Variants in ATP8A1 observed in about 807,000 individuals in gnomAD.
The protein encoded by ATP8A1 is ATPase phospholipid transporting 8A1, also known as phospholipid-transporting ATPase IA.
A neutral mutation model predicts 177.7 loss-of-function variants in ATP8A1; 90 were observed. The observed-to-expected ratio is 0.51, with a 90% CI of 0.43 to 0.60. The LOEUF (loss-of-function observed/expected upper bound fraction) is 0.60. ATP8A1 is among the 20% of genes least tolerant of loss of function. The pLI is 0.00. For synonymous variants in ATP8A1, 493 were observed against 485.9 expected (o/e 1.01, Z -0.19); for missense variants, 1,072 against 1,392.8 (o/e 0.77, Z 3.67).
At chr4:42,514,855 C>T (rs148086148) in intron 22 of ATP8A1, among the ~76,000 whole-genome samples, 39 of 152,212 alleles carry the variant, frequency 2.6e-4, no homozygotes, top group African/African-American at 8.9e-4. Flanking sequence ...AACCTAATAA[C>T]GTAGATTTAA....
chr4:42,473,257 G>A (rs900215783), intron 25 of ATP8A1, among the ~76,000 whole-genome samples: 14 of 152,268 alleles, frequency 9.2e-5, no homozygotes, highest in African/African-American at 3.4e-4. Flanking sequence ...TCTTTCTTCT[G>A]CCCCCAAGAG....
At chr4:42,426,441 T>C (rs930811866) in intron 33 of ATP8A1, among the ~76,000 whole-genome samples, 1 of 152,156 alleles carries the variant, frequency 6.6e-6, no homozygotes, top group Non-Finnish European at 1.5e-5. Flanking sequence ...TCTAAGACTG[T>C]CTCCATGGAC....
Position 42,464,679 on chromosome 4 carries a change from C to A in ATP8A1, c.2619+11G>T. The stretch of plus-strand genomic sequence containing the variant: ...CAAATGACAAGGATTTAAAATTTAA[C>A]CTGCTATTACCTCGATAATATAGAG... On this transcript the variant is annotated intron_variant, in intron 27 of 36. Coordinates refer to ENST00000381668, the MANE Select transcript of ATP8A1 (RefSeq NM_006095.2). The A allele has an allele frequency of 2.1e-6, 3 of 1,447,364 alleles. No homozygotes were observed. Among genetic ancestry groups the A allele is most frequent in the South Asian group, 2.7e-5 (2 of 73,604 alleles). 89.7% of individuals were successfully genotyped at this position (1,447,364 alleles called of 1,614,324 possible).
intron 5 of ATP8A1, 61 bp downstream of exon 5, chr4:42,615,972 T>C: frequency 1.4e-6 from 2 of 1,417,118 alleles, no homozygotes; most frequent in African/African-American, 2.8e-5. Context: ...GTAATTGAAG[T>C]GTTTGTATAT....
rs1049669366 is a variant in ATP8A1 at position 42,455,636 on chromosome 4, C to G, written c.2620-37G>C. On this transcript the variant is annotated intron_variant, in intron 27 of 36. Coordinates refer to ENST00000381668, the MANE Select transcript of ATP8A1 (RefSeq NM_006095.2). Reference sequence around the variant, plus strand: ...AACCCAAAACCCCCAAATTAGAATACAAAAGCATAAATGCATTGCTTAGAA... The same window carrying G: ...AACCCAAAACCCCCAAATTAGAATAGAAAAGCATAAATGCATTGCTTAGAA... The G allele has an allele frequency of 5.0e-6, 8 of 1,589,200 alleles. No individual in the cohort carries two copies. The African/African-American group carries it at 1.1e-4, about 22-fold the overall frequency.
At chr4:42,587,780 G>C (rs1361478410) in intron 8 of ATP8A1, among the ~76,000 whole-genome samples, 1 of 151,286 alleles carries the variant, frequency 6.6e-6, no homozygotes, top group African/African-American at 2.4e-5. Flanking sequence ...CTAATTTTTT[G>C]TACTTTTTTA....
chr4:42,506,877 C>A, intron 23 of ATP8A1, 139 bp downstream of exon 23: 1 of 1,000,350 alleles, frequency 1.0e-6, no homozygotes, highest in Non-Finnish European at 1.5e-6. Flanking sequence ...GGCAGAGATG[C>A]AATGGTGAAA....
chr4:42,478,384 G>A (rs563557569), intron 25 of ATP8A1, among the ~76,000 whole-genome samples: 1 of 152,056 alleles, frequency 6.6e-6, no homozygotes, highest in Non-Finnish European at 1.5e-5. Flanking sequence ...ATTATTTACT[G>A]GAGTGTCATT....
chr4:42,545,572 G>C (rs184580954), intron 19 of ATP8A1, among the ~76,000 whole-genome samples: 62 of 152,302 alleles, frequency 4.1e-4, no homozygotes, highest in African/African-American at 1.4e-3. Context: ...TTGCTCTCTT[G>C]CACTGTGCAG....
At position 42,563,523 on chromosome 4, in the gene ATP8A1, G is replaced by A. The variant is rs1468286431; in HGVS notation, c.1340+5638C>T. 3.3e-5 allele frequency among the ~76,000 whole-genome samples: 5 copies of A among 152,216 alleles called. No individual in the cohort carries two copies. In the East Asian group the frequency reaches 5.8e-4, roughly 18 times the overall value. Reference sequence around the variant, plus strand: ...TGCAGAAATTTGCATAAGTAACGAGGAGCCGAATATTAATCCCCAAGATAA... The same window carrying A: ...TGCAGAAATTTGCATAAGTAACGAGAAGCCGAATATTAATCCCCAAGATAA... On this transcript the variant is annotated intron_variant, in intron 15 of 36. Coordinates refer to ENST00000381668, the MANE Select transcript of ATP8A1 (RefSeq NM_006095.2).
chr4:42,656,803 C>T (rs758587773), intron 1 of ATP8A1, 22 bp downstream of exon 1: 3 of 1,549,104 alleles, frequency 1.9e-6, no homozygotes, highest in Non-Finnish European at 1.7e-6. Context: ...CGGGCTAGCC[C>T]CGAGCCTCGG....
At chr4:42,428,364 C>G (rs1438027355) in intron 33 of ATP8A1, among the ~76,000 whole-genome samples, 2 of 152,234 alleles carry the variant, frequency 1.3e-5, no homozygotes, top group African/African-American at 4.8e-5. Context: ...AAAGGCTGCT[C>G]TTCCTTGGTA....
At chr4:42,516,245 G>T (rs1213924683) in intron 22 of ATP8A1, among the ~76,000 whole-genome samples, 1 of 152,106 alleles carries the variant, frequency 6.6e-6, no homozygotes, top group Admixed American at 6.5e-5. Context: ...ACTACAAAAT[G>T]CACATAAAAC....
chr4:42,504,408 TGG>T lies in ATP8A1; in HGVS notation c.2087-896_2087-895del, dbSNP rs1366313392. ...TACTTTCCCTTCAGTTTTCATCATTTGGGTTAATGGTAATTCCATCCTTCGGA... is the reference window on the plus strand; with the variant it reads ...TACTTTCCCTTCAGTTTTCATCATTTGTTAATGGTAATTCCATCCTTCGGA... On this transcript the variant is annotated intron_variant, in intron 23 of 36. Coordinates refer to ENST00000381668, the MANE Select transcript of ATP8A1 (RefSeq NM_006095.2). Among the ~76,000 whole-genome samples the T allele has an allele frequency of 1.2e-4, 19 of 152,370 alleles. No homozygotes were observed. In the East Asian group the frequency reaches 3.5e-3, roughly 28 times the overall value.
intron 1 of ATP8A1, among the ~76,000 whole-genome samples, chr4:42,628,866 GGTTGT>G (rs1000629119): frequency 2.6e-5 from 4 of 152,176 alleles, no homozygotes; most frequent in African/African-American, 7.2e-5. Flanking sequence ...GATGTTCTCA[GGTTGT>G]GTTGTATTTA....
chr4:42,565,647 C>A (rs1731270239), intron 15 of ATP8A1, among the ~76,000 whole-genome samples: 1 of 152,110 alleles, frequency 6.6e-6, no homozygotes, highest in African/African-American at 2.4e-5. Context: ...TGAGAAAAAA[C>A]AAATAATATG....
chr4:42,601,711 T>C (rs917712591), intron 5 of ATP8A1, among the ~76,000 whole-genome samples: 2 of 152,148 alleles, frequency 1.3e-5, no homozygotes, highest in Non-Finnish European at 2.9e-5. Context: ...TTATATTCCC[T>C]GGAAACAGCA....
At position 42,567,760 on chromosome 4, in the gene ATP8A1, C is replaced by T. The variant is rs533967801; in HGVS notation, c.1340+1401G>A. On this transcript the variant is annotated intron_variant, in intron 15 of 36. Transcript: ENST00000381668. ...TTACTAAACTAGATAAAATAACATCCGCTCTTTCCAGCACCAATAAAAGTT... is the reference window on the plus strand; with the variant it reads ...TTACTAAACTAGATAAAATAACATCTGCTCTTTCCAGCACCAATAAAAGTT... 3.5e-3 allele frequency among the ~76,000 whole-genome samples: 529 copies of T among 152,244 alleles called. 2 individuals carry two copies. The highest frequency in any genetic ancestry group is 0.012 in the African/African-American group (504 of 41,544).
intron 24 of ATP8A1, among the ~76,000 whole-genome samples, chr4:42,491,210 CTACT>C (rs1436482916): frequency 6.6e-6 from 1 of 151,978 alleles, no homozygotes; most frequent in Non-Finnish European, 1.5e-5. Context: ...TTTAGATCAG[CTACT>C]TAGTCATCAA....
Sources: gnomAD v4.1 joint callset for allele counts (sites outside exome capture counted in the v4.1 genomes callset) on GRCh38, gnomAD v4.1.1 for gene constraint, MANE v1.5 for transcripts, NCBI Gene and HGNC (gene_info 2026-07-23, HGNC 2026-07-21) for gene names.